KMT2C: variants seen among roughly 807,000 people sequenced by gnomAD.
KMT2C encodes the protein lysine methyltransferase 2C.
In KMT2C, 88 loss-of-function variants were observed where a neutral mutation model predicts 507.9. That is an observed-to-expected ratio of 0.17 (90% CI 0.15 to 0.21). The LOEUF (loss-of-function observed/expected upper bound fraction) is 0.21, where lower values mean the gene tolerates loss of function less well. Ranked by LOEUF, KMT2C falls within the 10% of genes least tolerant of loss-of-function variation. The pLI, the probability that KMT2C is intolerant of heterozygous loss-of-function variation, is 1.00. For missense variants in KMT2C, 4,954 were observed against 5,957.8 expected (o/e 0.83, Z 5.55); for synonymous variants, 2,049 against 2,080.8 (o/e 0.98, Z 0.42).
At chr7:152,156,383 G>A (rs774681720) in intron 44 of KMT2C, 37 bp from the exon 45 acceptor site, 1 of 1,609,052 alleles carries the variant, frequency 6.2e-7, no homozygotes, top group Admixed American at 1.7e-5. Flanking sequence ...ATATGCTACT[G>A]AGCGAATATG....
At chr7:152,349,405 T>C (rs758632384) in intron 2 of KMT2C, among the ~76,000 whole-genome samples, 41 of 151,436 alleles carry the variant, frequency 2.7e-4, no homozygotes, top group Non-Finnish European at 1.3e-4. Context: ...GATCACACCA[T>C]TGCACTCCAG....
intron 6 of KMT2C, among the ~76,000 whole-genome samples, chr7:152,305,483 T>C (rs564166759): frequency 6.6e-6 from 1 of 151,798 alleles, no homozygotes; most frequent in African/African-American, 2.4e-5. Context: ...ACGGTTATAG[T>C]GAAAGATGTC....
At chr7:152,228,567 A>G (rs1282583155) in intron 18 of KMT2C, among the ~76,000 whole-genome samples, 3 of 152,206 alleles carry the variant, frequency 2.0e-5, no homozygotes, top group Non-Finnish European at 4.4e-5. Flanking sequence ...ACCAGTAACT[A>G]TGTGTTTGAT....
intron 1 of KMT2C, among the ~76,000 whole-genome samples, chr7:152,379,793 A>G (rs1373779564): frequency 6.6e-6 from 1 of 152,292 alleles, no homozygotes. Context: ...AGAGAGAGAG[A>G]GACTTCAAAA....
At chr7:152,347,578 G>A (rs187530624) in intron 2 of KMT2C, among the ~76,000 whole-genome samples, 14 of 152,260 alleles carry the variant, frequency 9.2e-5, no homozygotes, top group Admixed American at 7.9e-4. Context: ...CAGTTGTACA[G>A]TATGTACTAC....
At chr7:152,359,037 A>G (rs2097174610) in intron 1 of KMT2C, among the ~76,000 whole-genome samples, 1 of 152,210 alleles carries the variant, frequency 6.6e-6, no homozygotes, top group African/African-American at 2.4e-5. Context: ...CAAAGTTCAC[A>G]TACCAGGTTT....
At chr7:152,306,881 A>G (rs1481176092) in intron 6 of KMT2C, among the ~76,000 whole-genome samples, 2 of 152,238 alleles carry the variant, frequency 1.3e-5, no homozygotes, top group Non-Finnish European at 2.9e-5. Context: ...AACAAAAGCC[A>G]GGCGTGGTGG....
intron 2 of KMT2C, among the ~76,000 whole-genome samples, chr7:152,332,532 G>A (rs2096893638): frequency 6.6e-6 from 1 of 151,942 alleles, no homozygotes. Context: ...CTTTCTAATT[G>A]TATCCAGCCT....
chr7:152,391,721 G>C (rs1164794603), intron 1 of KMT2C, among the ~76,000 whole-genome samples: 1 of 149,878 alleles, frequency 6.7e-6, no homozygotes, highest in Non-Finnish European at 1.5e-5. Flanking sequence ...ATTTTTAGTA[G>C]ATACGGGGTT....
intron 1 of KMT2C, among the ~76,000 whole-genome samples, chr7:152,432,060 T>C (rs1265914861): frequency 6.6e-6 from 1 of 152,194 alleles, no homozygotes; most frequent in Non-Finnish European, 1.5e-5. Context: ...CTAATTTTTC[T>C]ACAACAATAA....
chr7:152,343,085 C>T (rs1037345094), intron 2 of KMT2C, among the ~76,000 whole-genome samples: 3 of 151,492 alleles, frequency 2.0e-5, no homozygotes, highest in Non-Finnish European at 2.9e-5. Context: ...ACCTGGCTAT[C>T]GAGAAAAAAA....
Position 152,155,983 on chromosome 7 carries a change from C to G in KMT2C, c.11887G>C (p.Ala3963Pro), listed in dbSNP as rs557287551. The G allele has an allele frequency of 6.2e-7, 1 of 1,610,786 alleles. No homozygotes were observed. ...PQDDLLARALAQGPKTVDVPA... is the reference protein window; with the variant it reads ...PQDDLLARALPQGPKTVDVPA... Reference sequence around the variant, plus strand: ...ACATCAACTGTCTTGGGGCCCTGAGCAAGAGCTCGGGCCAACAAGTCGTCC... The same window carrying G: ...ACATCAACTGTCTTGGGGCCCTGAGGAAGAGCTCGGGCCAACAAGTCGTCC... Residue 3963 changes from alanine (A) to proline (P), a missense_variant, in exon 46 of 59, where the codon GCT becomes CCT. Around this residue, in one of 29 missense-constraint regions of KMT2C, gnomAD observed 104 missense variants for 134.3 expected, o/e 0.77. Coordinates refer to ENST00000262189, the MANE Select transcript of KMT2C (RefSeq NM_170606.3).
chr7:152,330,738 T>C lies in KMT2C; in HGVS notation c.252A>G (p.Glu84=). 2 of 1,613,748 alleles carry C rather than the reference T, an allele frequency of 1.2e-6. No individual in the cohort carries two copies. The highest frequency in any genetic ancestry group is 1.7e-6 in the Non-Finnish European group (2 of 1,179,856). ...CCTCTTCTGCAGATTGTTCTTTGAT[T>C]TCTGCTTAACAGTAAACAAGAGAAA... The part of the protein sequence containing the change: ...TTETETIVET[E]IKEQSAEEDA... The change falls in exon 3 of 59, where the codon GAA becomes GAG. Residue 84 remains glutamate (E), a splice_region_variant and synonymous_variant. Coordinates refer to ENST00000262189, the MANE Select transcript of KMT2C (RefSeq NM_170606.3).
At chr7:152,146,557 A>T in intron 53 of KMT2C, 42 bp downstream of exon 53, 1 of 1,605,698 alleles carries the variant, frequency 6.2e-7, no homozygotes, top group Admixed American at 1.7e-5. Flanking sequence ...ACACTGAATC[A>T]GGAAAGCAAT....
chr7:152,282,836 TTATA>T (rs1384533350), intron 6 of KMT2C, among the ~76,000 whole-genome samples: 1 of 152,160 alleles, frequency 6.6e-6, no homozygotes, highest in African/African-American at 2.4e-5. Context: ...AAAGTGAATT[TTATA>T]TATAATTCTT....
chr7:152,188,652 G>A (rs1316202734), intron 31 of KMT2C, among the ~76,000 whole-genome samples: 78 of 119,704 alleles, frequency 6.5e-4, no homozygotes, highest in African/African-American at 2.4e-3. Context: ...TCACTCTGTC[G>A]CCCAGGCTGG....
intron 7 of KMT2C, 128 bp downstream of exon 7, chr7:152,273,577 C>T: frequency 1.0e-6 from 1 of 982,358 alleles, no homozygotes; most frequent in African/African-American, 1.7e-5. Flanking sequence ...AACGATCCCT[C>T]AGATTTTAAA....
intron 34 of KMT2C, among the ~76,000 whole-genome samples, chr7:152,183,740 T>C (rs1166247346): frequency 6.6e-6 from 1 of 151,734 alleles, no homozygotes; most frequent in Non-Finnish European, 1.5e-5. Flanking sequence ...CTACTAAAAA[T>C]ACAAAATTAG....
At chr7:152,314,283 A>G (rs1445184560) in intron 4 of KMT2C, among the ~76,000 whole-genome samples, 1 of 152,180 alleles carries the variant, frequency 6.6e-6, no homozygotes, top group African/African-American at 2.4e-5. Context: ...TTTGGATATA[A>G]GCCAGATAAG....
Sources: allele counts gnomAD v4.1 joint callset (sites outside exome capture counted in the v4.1 genomes callset), GRCh38; gene constraint gnomAD v4.1.1; regional missense constraint gnomAD v4.1.1; transcripts MANE v1.5; gene names NCBI Gene and HGNC (gene_info 2026-07-23, HGNC 2026-07-21).